Variants in MRPL43 observed in about 807,000 individuals in gnomAD.
MRPL43 encodes large ribosomal subunit protein mL43.
Under a neutral mutation model 12.7 loss-of-function variants are expected in MRPL43, and 9 were observed. The observed-to-expected ratio is 0.71, with a 90% confidence interval of 0.43 to 1.24. MRPL43 has a LOEUF of 1.24. Among genes scored for constraint, MRPL43 ranks in the 50% most tolerant of loss-of-function variants. The pLI is 0.00. For synonymous variants in MRPL43, 116 were observed against 96.4 expected (o/e 1.20, Z -1.19); for missense variants, 211 against 229.2 (o/e 0.92, Z 0.51).
downstream of MRPL43, chr10:100,981,495 G>A (rs1486147363): frequency 1.2e-6 from 2 of 1,614,070 alleles, no homozygotes; most frequent in Non-Finnish European, 8.5e-7. Context: ...AAGGGTTCAG[G>A]ACGGTAATGG....
At position 100,986,363 on chromosome 10, in the gene MRPL43, T is replaced by C. The variant is rs2133921814; in HGVS notation, c.*371A>G. On this transcript the variant is annotated 3_prime_UTR_variant, in exon 3 of 3. Coordinates refer to ENST00000318364, the MANE Select transcript of MRPL43 (RefSeq NM_032112.3). The stretch of plus-strand genomic sequence containing the variant: ...TAGCCCATCACAGCAGAGCTCTCCG[T>C]AGCTCAGTGGTTGTTCCAATAAGAC... 5 of 1,453,326 alleles carry C rather than the reference T, an allele frequency of 3.4e-6. No homozygotes were observed. Among genetic ancestry groups the C allele is most frequent in the Non-Finnish European group, 4.5e-6 (5 of 1,108,028 alleles). The allele number at this position is 1,453,326 out of a possible 1,614,324, so 90.0% of individuals were successfully genotyped here.
chr10:100,986,797 C>G lies in MRPL43; in HGVS notation c.417G>C (p.Thr139=). Residue 139 remains threonine (T), a synonymous_variant, in exon 3 of 3, where the codon ACG becomes ACC. Transcript: ENST00000318364. ...CCTCTCGGGGGCGTAGCCCGCGGAACGTGGTCGGCTTGTTGGTGAAGGGGT... is the reference window on the plus strand; with the variant it reads ...CCTCTCGGGGGCGTAGCCCGCGGAAGGTGGTCGGCTTGTTGGTGAAGGGGT... ...QWHPFTNKPT[T]FRGLRPREVQ... 6.2e-7 allele frequency: 1 copy of G among 1,613,932 alleles called. No homozygotes were observed. The highest frequency in any genetic ancestry group is 8.5e-7 in the Non-Finnish European group (1 of 1,180,038).
chr10:100,986,986 A>C lies in MRPL43; in HGVS notation c.239-11T>G. 6.2e-7 allele frequency: 1 copy of C among 1,605,398 alleles called. No homozygotes were observed. Among genetic ancestry groups the C allele is most frequent in the South Asian group, 1.1e-5 (1 of 91,056 alleles). ...GCACAGCCCCGTTAACTGGCAGAAG[A>C]GGGGTGAGAGTGGGTGGAAGCTGGC... is the stretch of plus-strand genomic sequence containing the variant. On this transcript the variant is annotated splice_polypyrimidine_tract_variant and intron_variant, in intron 2 of 2. Coordinates refer to ENST00000318364, the MANE Select transcript of MRPL43 (RefSeq NM_032112.3).
chr10:100,984,846 C>T (rs1016127185), downstream of MRPL43: 12 of 1,504,402 alleles, frequency 8.0e-6, no homozygotes, highest in South Asian at 6.3e-5. Context: ...CTGTGTGGCC[C>T]TTGTGAATCA....
downstream of MRPL43, chr10:100,984,707 G>T: frequency 6.5e-7 from 1 of 1,536,122 alleles, no homozygotes; most frequent in South Asian, 1.2e-5. Flanking sequence ...CTGGACTTGG[G>T]GTACCCTCCC....
chr10:100,981,850 G>T (rs1225693782), downstream of MRPL43, among the ~76,000 whole-genome samples: 1 of 152,032 alleles, frequency 6.6e-6, no homozygotes, highest in Non-Finnish European at 1.5e-5. Context: ...TTGAGCTCAG[G>T]AATTGGAGAC....
chr10:100,980,368 T>A, downstream of MRPL43: 1 of 1,601,172 alleles, frequency 6.2e-7, no homozygotes, highest in Non-Finnish European at 8.6e-7. Flanking sequence ...CAATCCCTGA[T>A]CCCTGTTGGC....
intron 1 of MRPL43, 32 bp downstream of exon 1, chr10:100,987,281 C>T (rs368391649): frequency 2.6e-4 from 417 of 1,611,736 alleles, no homozygotes; most frequent in Non-Finnish European, 3.1e-4. Flanking sequence ...ACACCCACCC[C>T]GACCCGCGCC....
downstream of MRPL43, among the ~76,000 whole-genome samples, chr10:100,982,989 G>C (rs1851185550): frequency 6.6e-6 from 1 of 152,220 alleles, no homozygotes; most frequent in Non-Finnish European, 1.5e-5. Flanking sequence ...GCACATGGTA[G>C]ATATCCGAGT....
downstream of MRPL43, chr10:100,979,107 C>T (rs1170863177): frequency 6.2e-7 from 1 of 1,613,916 alleles, no homozygotes; most frequent in African/African-American, 1.3e-5. Flanking sequence ...CCCAGGGAGA[C>T]CTGGGAGGGA....
intron 1 of MRPL43, 51 bp downstream of exon 1, chr10:100,987,262 G>C: frequency 6.2e-7 from 1 of 1,611,956 alleles, no homozygotes; most frequent in Non-Finnish European, 8.5e-7. Flanking sequence ...GGGAGTCGTT[G>C]CCACCTCCAC....
chr10:100,981,598 G>A, downstream of MRPL43: 2 of 1,597,620 alleles, frequency 1.3e-6, no homozygotes, highest in Admixed American at 3.3e-5. Flanking sequence ...AGTATTTACT[G>A]TGTGCCAGAC....
At chr10:100,983,406 A>C, downstream of MRPL43, 4 of 1,612,394 alleles carry the variant, frequency 2.5e-6, no homozygotes, top group Non-Finnish European at 2.5e-6. Context: ...GTGGCTACTC[A>C]ATGGGAGCAT....
chr10:100,979,496 C>T (rs1166269019), downstream of MRPL43: 2 of 1,222,296 alleles, frequency 1.6e-6, no homozygotes, highest in East Asian at 2.6e-5. Flanking sequence ...GATTATCCTG[C>T]CTCGGCCTCC....
downstream of MRPL43, chr10:100,979,186 G>A: frequency 6.2e-7 from 1 of 1,614,230 alleles, no homozygotes; most frequent in Non-Finnish European, 8.5e-7. Context: ...TCCACTGTAT[G>A]AGACACTGCG....
chr10:100,978,110 C>T (rs1850880313), downstream of MRPL43: 3 of 594,772 alleles, frequency 5.0e-6, no homozygotes, highest in Non-Finnish European at 9.0e-6. Context: ...GAACTCCAAA[C>T]ATACATTGTT....
rs1424763452 is a variant in MRPL43 at position 100,986,821 on chromosome 10, G to T, written c.393C>A (p.His131Gln). The change falls in exon 3 of 3, where the codon CAC (histidine) becomes CAA (glutamine). Residue 131 changes from histidine to glutamine, a missense_variant. His to Gln is a conservative substitution (Grantham distance 24). Transcript: ENST00000318364. Reference sequence around the variant, plus strand: ...ACGTGGTCGGCTTGTTGGTGAAGGGGTGCCACTGGCCCTGGATGCTAGGGT... The same window carrying T: ...ACGTGGTCGGCTTGTTGGTGAAGGGTTGCCACTGGCCCTGGATGCTAGGGT... ...TDNPSIQGQW[H>Q]PFTNKPTTFR... The T allele has an allele frequency of 6.2e-7, 1 of 1,613,938 alleles. No homozygotes were observed. Among genetic ancestry groups the T allele is most frequent in the Non-Finnish European group, 8.5e-7 (1 of 1,180,046 alleles).
rs1421671755 is a variant in MRPL43 at position 100,986,899 on chromosome 10, G to A, written c.315C>T (p.Ala105=). Residue 105 remains alanine, a synonymous_variant, in exon 3 of 3, where the codon GCC becomes GCT. Transcript: ENST00000318364. ...EEISTLVQKL[A]DQSGLDVIRI... Reference sequence around the variant, plus strand: ...GGATCACGTCCAAGCCCGACTGGTCGGCCAGCTTCTGCACCAGCGTCGAGA... The same window carrying A: ...GGATCACGTCCAAGCCCGACTGGTCAGCCAGCTTCTGCACCAGCGTCGAGA... 2 of 1,612,466 alleles carry A rather than the reference G, an allele frequency of 1.2e-6. No individual in the cohort carries two copies. Among genetic ancestry groups the A allele is most frequent in the East Asian group, 2.2e-5 (1 of 44,874 alleles).
chr10:100,983,902 CAGCCCCA>C, downstream of MRPL43: 1 of 1,502,924 alleles, frequency 6.7e-7, no homozygotes, highest in Non-Finnish European at 8.9e-7. Context: ...GAGGGAGCCC[CAGCCCCA>C]CCACCCCCAC....
Sources: allele counts gnomAD v4.1 joint callset (sites outside exome capture counted in the v4.1 genomes callset), GRCh38; gene constraint gnomAD v4.1.1; transcripts MANE v1.5; gene names NCBI Gene and HGNC (gene_info 2026-07-23, HGNC 2026-07-21).